Variants in ATP5PB observed in about 807,000 individuals in gnomAD.
ATP5PB encodes ATP synthase peripheral stalk-membrane subunit b.
Under a neutral mutation model 34.5 loss-of-function variants are expected in ATP5PB, and 21 were observed. The ratio of observed to expected loss-of-function variants is 0.61; its 90% confidence interval spans 0.43 to 0.88. The LOEUF is 0.88. ATP5PB is among the 40% of genes least tolerant of loss of function. The pLI is 0.00. For synonymous variants in ATP5PB, 108 were observed against 114.1 expected (o/e 0.95, Z 0.34); for missense variants, 293 against 317.4 (o/e 0.92, Z 0.58).
At position 111,459,453 on chromosome 1, in the gene ATP5PB, C is replaced by T. The variant is rs116643236; in HGVS notation, c.514-4C>T. On this transcript the variant is annotated splice_region_variant and splice_polypyrimidine_tract_variant and intron_variant, in intron 5 of 6. Transcript: ENST00000369722. ...ATATTTATCATTTCTTAATTTTGCC[C>T]CAGAATAACATTGCTATGGCTTTGG... The T allele has an allele frequency of 1.8e-3, 2,892 of 1,593,244 alleles. 43 individuals are homozygous for T. The African/African-American group carries it at 0.034, about 19-fold the overall frequency.
chr1:111,459,254 A>C (rs143371818), intron 5 of ATP5PB, among the ~76,000 whole-genome samples: 2 of 152,318 alleles, frequency 1.3e-5, no homozygotes, highest in Admixed American at 1.3e-4. Context: ...GGGAGGCTGA[A>C]GGAGACTTAT....
At chr1:111,453,060 A>G (rs997707057) in intron 2 of ATP5PB, among the ~76,000 whole-genome samples, 58 of 152,312 alleles carry the variant, frequency 3.8e-4, no homozygotes, top group Middle Eastern at 6.8e-3. Flanking sequence ...AATAATGTAA[A>G]TTCTTATATT....
chr1:111,453,900 C>T (rs74353260), intron 2 of ATP5PB, among the ~76,000 whole-genome samples: 103 of 152,262 alleles, frequency 6.8e-4, no homozygotes, highest in African/African-American at 2.3e-3. Context: ...CCTATCTGAC[C>T]GCCACGTCCA....
chr1:111,460,871 CTA>C (rs777137685), intron 6 of ATP5PB, 44 bp from the exon 7 acceptor site: 2 of 1,563,156 alleles, frequency 1.3e-6, no homozygotes, highest in African/African-American at 1.4e-5. Context: ...CTATACTTTT[CTA>C]TGTTTTGGAA....
intron 2 of ATP5PB, among the ~76,000 whole-genome samples, 167 bp from the exon 3 acceptor site, chr1:111,454,044 C>T (rs1653402046): frequency 6.6e-6 from 1 of 152,240 alleles, no homozygotes; most frequent in Non-Finnish European, 1.5e-5. Context: ...GTTGTCACAG[C>T]TGATTACTGG....
chr1:111,462,420 A>G lies in ATP5PB; in HGVS notation c.*1426A>G, dbSNP rs1411739004. The G allele has an allele frequency of 6.6e-6, 1 of 152,228 alleles. No individual in the cohort carries two copies. Among genetic ancestry groups the G allele is most frequent in the Non-Finnish European group, 1.5e-5 (1 of 68,044 alleles). The allele number at this position is 152,228 out of a possible 1,614,324, so 9.4% of individuals were successfully genotyped here. On this transcript the variant is annotated 3_prime_UTR_variant, in exon 7 of 7. Transcript: ENST00000369722. ...CTTAAATGGTACACTTAAAAATGGT[A>G]AATTTTATGTGTATTTTACAATCTT...
intron 1 of ATP5PB, 26 bp from the exon 2 acceptor site, chr1:111,449,811 C>A: frequency 2.5e-6 from 4 of 1,614,168 alleles, no homozygotes; most frequent in Non-Finnish European, 3.4e-6. Flanking sequence ...TTTGACTTTG[C>A]TGACCTTCGC....
Position 111,449,531 on chromosome 1 carries a change from T to C in ATP5PB, c.-11T>C, listed in dbSNP as rs1351596855. The C allele has an allele frequency of 1.9e-6, 3 of 1,614,016 alleles. No homozygotes were observed. Among genetic ancestry groups the C allele is most frequent in the Non-Finnish European group, 2.5e-6 (3 of 1,179,930 alleles). ...GGGACGCTAAGATTGCTACCTGGAC[T>C]TTCGTTGACCATGCTGTCCCGGGTG... is the stretch of plus-strand genomic sequence containing the variant. On this transcript the variant is annotated 5_prime_UTR_variant, in exon 1 of 7. Transcript: ENST00000369722.
intron 6 of ATP5PB, among the ~76,000 whole-genome samples, chr1:111,460,542 T>C (rs1302691974): frequency 1.3e-5 from 2 of 152,048 alleles, no homozygotes; most frequent in African/African-American, 4.8e-5. Context: ...AAAAATTATT[T>C]TCATTCTTAA....
intron 2 of ATP5PB, 136 bp from the exon 3 acceptor site, chr1:111,454,075 A>C (rs1188213772): frequency 2.1e-6 from 2 of 943,982 alleles, no homozygotes; most frequent in South Asian, 4.8e-5. Flanking sequence ...TCCCATTCCC[A>C]GTCCATTCTC....
intron 5 of ATP5PB, among the ~76,000 whole-genome samples, chr1:111,458,186 G>A (rs1386558236): frequency 6.6e-6 from 1 of 152,174 alleles, no homozygotes; most frequent in East Asian, 1.9e-4. Flanking sequence ...GGTAATAAAT[G>A]CCAGATAGAA....
chr1:111,459,721 T>A, intron 6 of ATP5PB, 85 bp downstream of exon 6: 1 of 1,419,642 alleles, frequency 7.0e-7, no homozygotes. Context: ...TAGGAATAGC[T>A]GGCAAGGAGT....
chr1:111,459,760 C>T (rs1040129267), intron 6 of ATP5PB, 124 bp downstream of exon 6: 27 of 1,058,868 alleles, frequency 2.5e-5, no homozygotes, highest in Middle Eastern at 2.1e-4. Flanking sequence ...AGTGTAACCC[C>T]GGTTTGTTTT....
At chr1:111,459,340 A>G in intron 5 of ATP5PB, 117 bp from the exon 6 acceptor site, 1 of 982,962 alleles carries the variant, frequency 1.0e-6, no homozygotes, top group Non-Finnish European at 1.5e-6. Context: ...CCTATTAAAT[A>G]AAAGAATTTC....
intron 5 of ATP5PB, among the ~76,000 whole-genome samples, chr1:111,457,724 T>C (rs903497958): frequency 6.6e-6 from 1 of 152,202 alleles, no homozygotes; most frequent in Non-Finnish European, 1.5e-5. Context: ...CCAAGACTTA[T>C]GGAATCAGAA....
At position 111,461,901 on chromosome 1, in the gene ATP5PB, G is replaced by GAA. The variant is rs34311324; in HGVS notation, c.*923_*924dup. 3.7e-4 allele frequency: 43 copies of GAA among 115,926 alleles called. No individual in the cohort carries two copies. Among genetic ancestry groups the GAA allele is most frequent in the East Asian group, 4.9e-4 (2 of 4,074 alleles). The allele number at this position is 115,926 out of a possible 1,614,324, so 7.2% of individuals were successfully genotyped here. ...GGGCAACAGACCTCGACTCCATCTAGAAAAAAAAAAAAAAAAATCCAGCAG... is the reference window on the plus strand; with the variant it reads ...GGGCAACAGACCTCGACTCCATCTAGAAAAAAAAAAAAAAAAAAATCCAGCAG... On this transcript the variant is annotated 3_prime_UTR_variant, in exon 7 of 7. Transcript: ENST00000369722.
In ATP5PB at chr1:111,456,136, A is replaced by G; in HGVS notation, c.274A>G (p.Ile92Val). The change falls in exon 4 of 7, where the codon ATA (isoleucine) becomes GTA (valine). Residue 92 changes from isoleucine (I) to valine (V), a missense_variant. Ile to Val is a conservative substitution (Grantham distance 29). Transcript: ENST00000369722. ...TATCTTGTACGCTTTATCCAAAGAA[A>G]TATATGTGATTAGCGCAGAGACCTT... is the stretch of plus-strand genomic sequence containing the variant. ...GLILYALSKE[I>V]YVISAETFTA... The G allele has an allele frequency of 1.9e-6, 3 of 1,611,998 alleles. No individual in the cohort carries two copies. The highest frequency in any genetic ancestry group is 1.7e-6 in the Non-Finnish European group (2 of 1,179,118).
chr1:111,449,904 T>C (rs919929337), intron 2 of ATP5PB, 31 bp downstream of exon 2: 16 of 1,613,776 alleles, frequency 9.9e-6, no homozygotes, highest in Non-Finnish European at 1.2e-5. Context: ...CCCTTTCGTC[T>C]TTGTTTTCAC....
rs905133707 is a variant in ATP5PB, at chr1:111,449,771, G to T, written c.41-66G>T. On this transcript the variant is annotated intron_variant, in intron 1 of 6. Transcript: ENST00000369722. ...CATAGGCTTAGTGATAGAGCCTGGC[G>T]GGGGTAAGGAAAGGGCAAACCAGAT... 9 of 1,608,830 alleles carry T rather than the reference G, an allele frequency of 5.6e-6. No homozygotes were observed. The East Asian group carries it at 1.8e-4, about 32-fold the overall frequency.
Sources: allele counts gnomAD v4.1 joint callset (sites outside exome capture counted in the v4.1 genomes callset), GRCh38; gene constraint gnomAD v4.1.1; transcripts MANE v1.5; gene names NCBI Gene and HGNC (gene_info 2026-07-23, HGNC 2026-07-21).